FGF10: variants seen among roughly 807,000 people sequenced by gnomAD.
FGF10 encodes FGF-10.
A neutral mutation model predicts 19.8 loss-of-function variants in FGF10; 2 were observed. That is an observed-to-expected ratio of 0.10 (90% CI 0.04 to 0.32). The LOEUF is 0.32. Among genes scored for constraint, FGF10 ranks in the 10% least tolerant of loss-of-function variants. The probability of loss-of-function intolerance (pLI) is 1.00; values close to 1 mark genes in which losing one functional copy is unlikely to be tolerated. For missense variants in FGF10, 191 were observed against 246.3 expected (o/e 0.78, Z 1.50); for synonymous variants, 112 against 94.0 (o/e 1.19, Z -1.10).
At chr5:44,371,820 T>C (rs564676409) in intron 1 of FGF10, among the ~76,000 whole-genome samples, 54 of 152,180 alleles carry the variant, frequency 3.5e-4, no homozygotes, top group Non-Finnish European at 6.0e-4. Flanking sequence ...ATACTTTTCA[T>C]AGATTATTTC....
chr5:44,337,748 T>C (rs921001481), intron 1 of FGF10, among the ~76,000 whole-genome samples: 1 of 152,132 alleles, frequency 6.6e-6, no homozygotes. Context: ...GAGACCATCC[T>C]GGCTAACACA....
Position 44,353,806 on chromosome 5 carries a change from G to A in FGF10, c.325+34552C>T, listed in dbSNP as rs557927556. Among the ~76,000 whole-genome samples the A allele has an allele frequency of 2.6e-5, 4 of 151,386 alleles. No individual in the cohort carries two copies. In the East Asian group the frequency reaches 5.9e-4, roughly 22 times the overall value. Reference sequence around the variant, plus strand: ...AATTTAATATGAAAAAAGCTGGGGGGCGGGGGCTCTTCTTTTCTCTGCTAG... The same window carrying A: ...AATTTAATATGAAAAAAGCTGGGGGACGGGGGCTCTTCTTTTCTCTGCTAG... On this transcript the variant is annotated intron_variant, in intron 1 of 2. Transcript: ENST00000264664.
chr5:44,357,203 A>G (rs770073424), intron 1 of FGF10, among the ~76,000 whole-genome samples: 3 of 151,416 alleles, frequency 2.0e-5, no homozygotes, highest in Non-Finnish European at 4.4e-5. Flanking sequence ...AGTTGGAAAA[A>G]CTTAATGTTA....
At chr5:44,325,704 G>C (rs553655166) in intron 1 of FGF10, among the ~76,000 whole-genome samples, 2 of 148,078 alleles carry the variant, frequency 1.4e-5, no homozygotes, top group East Asian at 4.1e-4. Context: ...TTGGACACAG[G>C]AAGGGAACAT....
intron 1 of FGF10, among the ~76,000 whole-genome samples, chr5:44,373,718 C>A (rs562028247): frequency 1.3e-5 from 2 of 152,198 alleles, no homozygotes; most frequent in Non-Finnish European, 2.9e-5. Flanking sequence ...TATATGTATT[C>A]TCTAAATGAG....
Position 44,301,145 on chromosome 5 carries a change from T to C in FGF10, c.*3850A>G, listed in dbSNP as rs1739957343. ...TTTTTATTTTTTTTTCAGTTTAAGT[T>C]GGAAAAGTCCTGCTTCATGAAATAA... On this transcript the variant is annotated 3_prime_UTR_variant, in exon 3 of 3. Coordinates refer to ENST00000264664, the MANE Select transcript of FGF10 (RefSeq NM_004465.2). Among the ~76,000 whole-genome samples the C allele has an allele frequency of 6.6e-6, 1 of 152,062 alleles. No homozygotes were observed. The highest frequency in any genetic ancestry group is 1.5e-5 in the Non-Finnish European group (1 of 67,990).
chr5:44,363,843 C>A (rs1448903430), intron 1 of FGF10, among the ~76,000 whole-genome samples: 1 of 151,876 alleles, frequency 6.6e-6, no homozygotes, highest in Admixed American at 6.6e-5. Flanking sequence ...TCTCCACATA[C>A]ATTTTCCTTC....
At chr5:44,344,503 T>A (rs1439533332) in intron 1 of FGF10, among the ~76,000 whole-genome samples, 1 of 150,892 alleles carries the variant, frequency 6.6e-6, no homozygotes, top group Non-Finnish European at 1.5e-5. Context: ...TGAGTTATAG[T>A]TGGGGCAAAA....
At chr5:44,350,306 A>G (rs920104598) in intron 1 of FGF10, among the ~76,000 whole-genome samples, 1 of 150,984 alleles carries the variant, frequency 6.6e-6, no homozygotes, top group African/African-American at 2.4e-5. Context: ...TATCCATGAG[A>G]AAAGCCTAAA....
chr5:44,310,116 A>G (rs1356485648), intron 2 of FGF10, among the ~76,000 whole-genome samples: 1 of 152,042 alleles, frequency 6.6e-6, no homozygotes, highest in Non-Finnish European at 1.5e-5. Flanking sequence ...TTTTTCTCCA[A>G]GTTGTCTTCA....
intron 1 of FGF10, among the ~76,000 whole-genome samples, chr5:44,337,679 C>A (rs149627509): frequency 2.0e-5 from 3 of 152,172 alleles, no homozygotes; most frequent in Non-Finnish European, 4.4e-5. Flanking sequence ...TGGTGGCTCA[C>A]GCCTGTAATC....
intron 1 of FGF10, among the ~76,000 whole-genome samples, chr5:44,313,859 C>T (rs981709932): frequency 5.9e-5 from 9 of 151,954 alleles, no homozygotes; most frequent in Non-Finnish European, 8.8e-5. Flanking sequence ...GAGAAGGGTA[C>T]GCTTTTAGAA....
At position 44,353,912 on chromosome 5, in the gene FGF10, C is replaced by T. The variant is rs1279723102; in HGVS notation, c.325+34446G>A. 3.3e-5 allele frequency among the ~76,000 whole-genome samples: 5 copies of T among 151,320 alleles called. No homozygotes were observed. In the East Asian group the frequency reaches 7.8e-4, roughly 24 times the overall value. On this transcript the variant is annotated intron_variant, in intron 1 of 2. Transcript: ENST00000264664. ...CCATTTCTGAAATAAAATAAATTTG[C>T]AAAAAGTGCACCTATTATGTCATAA... is the stretch of plus-strand genomic sequence containing the variant.
intron 1 of FGF10, among the ~76,000 whole-genome samples, chr5:44,359,795 T>A (rs1444530214): frequency 2.6e-5 from 4 of 151,438 alleles, no homozygotes; most frequent in Non-Finnish European, 5.9e-5. Context: ...ATCATCTGAA[T>A]AACATACATC....
intron 1 of FGF10, among the ~76,000 whole-genome samples, chr5:44,326,833 G>C (rs1740625971): frequency 6.6e-6 from 1 of 152,104 alleles, no homozygotes; most frequent in Non-Finnish European, 1.5e-5. Context: ...CATGTGAAAA[G>C]TACTTGTTTC....
chr5:44,312,577 A>G (rs984277270), intron 1 of FGF10, among the ~76,000 whole-genome samples: 2 of 152,120 alleles, frequency 1.3e-5, no homozygotes, highest in African/African-American at 4.8e-5. Flanking sequence ...ATGGCATGCC[A>G]TAGAGGATAA....
At chr5:44,323,768 C>T (rs918880707) in intron 1 of FGF10, among the ~76,000 whole-genome samples, 12 of 152,052 alleles carry the variant, frequency 7.9e-5, no homozygotes, top group African/African-American at 2.9e-4. Context: ...ATCCCATTAT[C>T]CTGTTTTACT....
chr5:44,354,934 A>G (rs1722875490), intron 1 of FGF10, among the ~76,000 whole-genome samples: 1 of 151,474 alleles, frequency 6.6e-6, no homozygotes, highest in African/African-American at 2.4e-5. Flanking sequence ...TGTCTTAATT[A>G]ACTACCATTA....
intron 1 of FGF10, among the ~76,000 whole-genome samples, chr5:44,387,733 T>G (rs974596581): frequency 5.3e-5 from 8 of 151,548 alleles, no homozygotes; most frequent in African/African-American, 1.7e-4. Flanking sequence ...CAAACTAACA[T>G]AAGGGACCCA....
Sources: gnomAD v4.1 joint callset for allele counts (sites outside exome capture counted in the v4.1 genomes callset) on GRCh38, gnomAD v4.1.1 for gene constraint, MANE v1.5 for transcripts, NCBI Gene and HGNC (gene_info 2026-07-23, HGNC 2026-07-21) for gene names.